The following BICD1 variants were observed in gnomAD, a reference collection of about 807,000 sequenced individuals.
BICD1 encodes the protein protein bicaudal D homolog 1.
A neutral mutation model predicts 92.5 loss-of-function variants in BICD1; 35 were observed. That is an observed-to-expected ratio of 0.38 (90% CI 0.29 to 0.50). The LOEUF is 0.50. Among genes scored for constraint, BICD1 ranks in the 20% least tolerant of loss-of-function variants. BICD1 has a pLI of 0.93. For missense variants in BICD1, 950 were observed against 1,189.8 expected (o/e 0.80, Z 2.97); for synonymous variants, 429 against 465.1 (o/e 0.92, Z 1.00).
At chr12:32,367,126 AT>A (rs1274897626) in intron 8 of BICD1, among the ~76,000 whole-genome samples, 1 of 152,224 alleles carries the variant, frequency 6.6e-6, no homozygotes, top group African/African-American at 2.4e-5. Context: ...TATAAAATCA[AT>A]TTTCAGAAAA....
intron 8 of BICD1, among the ~76,000 whole-genome samples, chr12:32,340,962 G>C (rs1351675967): frequency 6.6e-6 from 1 of 152,042 alleles, no homozygotes; most frequent in Non-Finnish European, 1.5e-5. Context: ...GCTCCATTCT[G>C]ATGTTGCTGT....
chr12:32,303,936 G>C (rs1006783385), intron 3 of BICD1, among the ~76,000 whole-genome samples: 1 of 152,116 alleles, frequency 6.6e-6, no homozygotes, highest in African/African-American at 2.4e-5. Flanking sequence ...TTAGCCAGGC[G>C]TGGTGACGGG....
intron 8 of BICD1, among the ~76,000 whole-genome samples, chr12:32,350,330 A>G (rs1938812385): frequency 6.6e-6 from 1 of 152,100 alleles, no homozygotes; most frequent in Admixed American, 6.5e-5. Flanking sequence ...AAAAAAAACA[A>G]AAATTAGCCA....
chr12:32,235,760 G>A (rs1034964174), intron 2 of BICD1, among the ~76,000 whole-genome samples: 1 of 149,998 alleles, frequency 6.7e-6, no homozygotes. Context: ...GAGTGCAGTG[G>A]TGCGATCTTG....
rs199605193 is a variant in BICD1 at position 32,328,300 on chromosome 12, A to G, written c.1845A>G (p.Thr615=). The change falls in exon 5 of 10, where the codon ACA becomes ACG. Residue 615 remains threonine (T), a synonymous_variant. Coordinates refer to ENST00000652176, the MANE Select transcript of BICD1 (RefSeq NM_001714.4). The surrounding 1 kb of genome is among the most constrained non-coding windows in gnomAD (Gnocchi z 4.4). The part of the protein sequence containing the change: ...TAPPSSPVLD[T]SDIRKEPMNI... ...CACCGTCATCTCCAGTATTGGATACAAGTGACATCCGCAAAGAGCCAATGA... is the reference window on the plus strand; with the variant it reads ...CACCGTCATCTCCAGTATTGGATACGAGTGACATCCGCAAAGAGCCAATGA... 71 of 1,614,132 alleles carry G rather than the reference A, an allele frequency of 4.4e-5. No homozygotes were observed. Among genetic ancestry groups the G allele is most frequent in the Non-Finnish European group, 5.7e-5 (67 of 1,180,058 alleles).
intron 8 of BICD1, among the ~76,000 whole-genome samples, chr12:32,342,204 GTATATA>G (rs3075972): frequency 0.028 from 3,334 of 119,262 alleles, 122 homozygotes; most frequent in African/African-American, 0.091. Flanking sequence ...GTGTGTGTGT[GTATATA>G]TATATATATA....
chr12:32,161,091 T>C (rs1269956451), intron 1 of BICD1, among the ~76,000 whole-genome samples: 1 of 152,244 alleles, frequency 6.6e-6, no homozygotes, highest in Non-Finnish European at 1.5e-5. Context: ...AGAAAAGTGA[T>C]ATAAATGTCA....
At chr12:32,168,117 T>C (rs527387385) in intron 1 of BICD1, among the ~76,000 whole-genome samples, 24 of 152,136 alleles carry the variant, frequency 1.6e-4, no homozygotes, top group African/African-American at 5.5e-4. Flanking sequence ...GATTGAAAGT[T>C]GGATATATTT....
At chr12:32,297,577 G>A (rs959702743) in intron 3 of BICD1, among the ~76,000 whole-genome samples, 6 of 152,098 alleles carry the variant, frequency 3.9e-5, no homozygotes, top group Non-Finnish European at 7.4e-5. Flanking sequence ...AGTAGCATTC[G>A]GTCACAAAAT....
intron 5 of BICD1, among the ~76,000 whole-genome samples, chr12:32,333,795 A>G (rs1442366695): frequency 1.3e-5 from 2 of 152,208 alleles, no homozygotes; most frequent in Non-Finnish European, 2.9e-5. Flanking sequence ...TTGAAACACT[A>G]TTAATTCCAA....
chr12:32,110,788 G>A (rs974146223), intron 1 of BICD1, among the ~76,000 whole-genome samples: 4 of 144,642 alleles, frequency 2.8e-5, no homozygotes, highest in African/African-American at 1.0e-4. Flanking sequence ...ATTGAACAAT[G>A]AGAACACATG....
intron 2 of BICD1, among the ~76,000 whole-genome samples, chr12:32,225,355 C>T (rs1278803799): frequency 1.3e-5 from 2 of 152,100 alleles, no homozygotes; most frequent in Admixed American, 6.6e-5. Context: ...TTAATCAGTT[C>T]ACCTACTGAA....
rs780872865 is a variant in BICD1, at chr12:32,204,068, G to T, written c.214-12179G>T. 1.5e-3 allele frequency among the ~76,000 whole-genome samples: 224 copies of T among 152,260 alleles called. 2 individuals are homozygous for T. The highest frequency in any genetic ancestry group is 3.7e-3 in the South Asian group (18 of 4,834). ...AACTACACAGAAGTGGAAATGTGAG[G>T]TTGGGCGTGGTGGCTCACACCTGTA... is the stretch of plus-strand genomic sequence containing the variant. On this transcript the variant is annotated intron_variant, in intron 1 of 9. Coordinates refer to ENST00000652176, the MANE Select transcript of BICD1 (RefSeq NM_001714.4).
At chr12:32,330,746 T>G (rs746276984) in intron 5 of BICD1, among the ~76,000 whole-genome samples, 3 of 152,134 alleles carry the variant, frequency 2.0e-5, no homozygotes, top group Non-Finnish European at 4.4e-5. Context: ...ACCAATACCA[T>G]ATTAGATAAG....
chr12:32,374,751 T>A (rs1393342279), intron 9 of BICD1, among the ~76,000 whole-genome samples: 1 of 137,728 alleles, frequency 7.3e-6, no homozygotes, highest in Non-Finnish European at 1.6e-5. Flanking sequence ...TTTTTTTTTT[T>A]TTTTTTTGTA....
chr12:32,240,728 C>G (rs1268292180), intron 2 of BICD1, among the ~76,000 whole-genome samples: 1 of 152,018 alleles, frequency 6.6e-6, no homozygotes, highest in Non-Finnish European at 1.5e-5. Flanking sequence ...AGAGGTGATA[C>G]CACTCCCCAC....
intron 1 of BICD1, among the ~76,000 whole-genome samples, chr12:32,196,320 G>A (rs1432028478): frequency 2.6e-5 from 4 of 152,174 alleles, no homozygotes; most frequent in Non-Finnish European, 5.9e-5. Flanking sequence ...GTCTTGAAGA[G>A]ACATCTGCAC....
chr12:32,108,710 G>A (rs945688590), intron 1 of BICD1: 2 of 684,450 alleles, frequency 2.9e-6, no homozygotes, highest in Non-Finnish European at 5.3e-6. Context: ...AATATGGTAA[G>A]CATTTATACT....
Position 32,223,316 on chromosome 12 carries a change from G to A in BICD1, c.426+6857G>A, listed in dbSNP as rs554303466. 2.0e-5 allele frequency among the ~76,000 whole-genome samples: 3 copies of A among 152,236 alleles called. No individual in the cohort carries two copies. In the East Asian group the frequency reaches 5.8e-4, roughly 29 times the overall value. On this transcript the variant is annotated intron_variant, in intron 2 of 9. Coordinates refer to ENST00000652176, the MANE Select transcript of BICD1 (RefSeq NM_001714.4). ...GTGGACCATCTGAGGTCAAGAGTTCGAGACCAGGCTGGCCAACATGGTGAA... is the reference window on the plus strand; with the variant it reads ...GTGGACCATCTGAGGTCAAGAGTTCAAGACCAGGCTGGCCAACATGGTGAA...
Sources: gnomAD v4.1 joint callset for allele counts (sites outside exome capture counted in the v4.1 genomes callset) on GRCh38, gnomAD v4.1.1 for gene constraint, Gnocchi (gnomAD v3.1) non-coding constraint, MANE v1.5 for transcripts, NCBI Gene and HGNC (gene_info 2026-07-23, HGNC 2026-07-21) for gene names.